Variants in CREB5 observed in about 807,000 individuals in gnomAD.
CREB5 encodes cAMP responsive element binding protein 5.
Under a neutral mutation model 57.1 loss-of-function variants are expected in CREB5, and 19 were observed. The observed-to-expected ratio is 0.33, with a 90% CI of 0.23 to 0.49. The LOEUF (loss-of-function observed/expected upper bound fraction) is 0.49. Among genes scored for constraint, CREB5 ranks in the 20% least tolerant of loss-of-function variants. The pLI, the probability that CREB5 is intolerant of heterozygous loss-of-function variation, is 0.99. For synonymous variants in CREB5, 238 were observed against 238.3 expected, an observed-to-expected ratio of 1.00 and a Z score of 0.01; for missense variants, 579 against 671.6, an observed-to-expected ratio of 0.86 and a Z score of 1.52.
At chr7:28,598,625 C>T (rs1238984164) in intron 5 of CREB5, among the ~76,000 whole-genome samples, 1 of 152,118 alleles carries the variant, frequency 6.6e-6, no homozygotes, top group Non-Finnish European at 1.5e-5. Context: ...TAATATCACT[C>T]ACCCCAACCT....
chr7:28,561,027 T>TGCGC (rs1395507333), intron 4 of CREB5, among the ~76,000 whole-genome samples: 3 of 70,470 alleles, frequency 4.3e-5, no homozygotes, highest in Non-Finnish European at 5.3e-5. Context: ...CGTGTGTGCG[T>TGCGC]GTGTGTGTGT....
At chr7:28,607,735 CTGTGTGTGTGTGTGTGTGTGTGTGTG>C (rs573980917) in intron 5 of CREB5, among the ~76,000 whole-genome samples, 45 of 129,284 alleles carry the variant, frequency 3.5e-4, no homozygotes, top group East Asian at 2.4e-3. Flanking sequence ...GCCCACAGGG[CTGTGTGTGTGTGTGTGTGTGTGTGTG>C]TGTGTGTGTG....
In CREB5 at chr7:28,820,718, C is replaced by G. The variant is rs1389062388; in HGVS notation, c.*1439C>G. 6.6e-6 allele frequency: 1 copy of G among 152,270 alleles called. No homozygotes were observed. The allele number at this position is 152,270 out of a possible 1,614,324, so 9.4% of individuals were successfully genotyped here. On this transcript the variant is annotated 3_prime_UTR_variant, in exon 11 of 11. Coordinates refer to ENST00000357727, the MANE Select transcript of CREB5 (RefSeq NM_182898.4). ...CTCCGAGTTCAAGCTATCCTTCCAC[C>G]TCCGCCTCCTGAGTAGCTGGGACCA...
chr7:28,540,121 T>C (rs1794149172), intron 4 of CREB5, among the ~76,000 whole-genome samples: 2 of 152,206 alleles, frequency 1.3e-5, no homozygotes, highest in African/African-American at 4.8e-5. Flanking sequence ...TACCAGTTTC[T>C]CAGCTTATTT....
At chr7:28,410,046 C>T (rs1332595101), upstream of CREB5, 3 of 439,078 alleles carry the variant, frequency 6.8e-6, no homozygotes, top group Admixed American at 7.2e-5. Flanking sequence ...GCGGCGAGGA[C>T]GCCGGGTCAC....
chr7:28,735,209 T>G (rs1374349606), intron 7 of CREB5, among the ~76,000 whole-genome samples: 2 of 152,216 alleles, frequency 1.3e-5, no homozygotes, highest in African/African-American at 4.8e-5. Flanking sequence ...AAGCTTAAGC[T>G]TTCTGATTTT....
At chr7:28,368,115 C>A (rs1021944147) in intron 1 of CREB5, among the ~76,000 whole-genome samples, 1 of 152,136 alleles carries the variant, frequency 6.6e-6, no homozygotes, top group Non-Finnish European at 1.5e-5. Context: ...GAACTGGAGG[C>A]CATTATCTTA....
chr7:28,710,685 C>T (rs1356499454), intron 5 of CREB5, among the ~76,000 whole-genome samples: 7 of 152,072 alleles, frequency 4.6e-5, no homozygotes, highest in Admixed American at 4.6e-4. Context: ...CTTCTAAGAG[C>T]CTACAGAACA....
At chr7:28,551,112 G>A (rs1410235137) in intron 4 of CREB5, among the ~76,000 whole-genome samples, 1 of 151,864 alleles carries the variant, frequency 6.6e-6, no homozygotes, top group Non-Finnish European at 1.5e-5. Flanking sequence ...GATTACCAGT[G>A]CCAAGCCGAT....
intron 1 of CREB5, among the ~76,000 whole-genome samples, chr7:28,423,777 T>C: frequency 6.6e-6 from 1 of 152,262 alleles, no homozygotes; most frequent in East Asian, 1.9e-4. Context: ...CAGTGCATTA[T>C]TGGGTTCCGT....
chr7:28,482,817 T>A (rs1214676589), intron 1 of CREB5, among the ~76,000 whole-genome samples: 1 of 152,238 alleles, frequency 6.6e-6, no homozygotes, highest in Non-Finnish European at 1.5e-5. Context: ...GATTTCAGTT[T>A]GTAGGTTTGA....
At chr7:28,321,816 C>A (rs1192826786) in intron 1 of CREB5, among the ~76,000 whole-genome samples, 1 of 152,188 alleles carries the variant, frequency 6.6e-6, no homozygotes, top group Admixed American at 6.5e-5. Context: ...TCAACATGAT[C>A]ACAGAGCGCC....
intron 7 of CREB5, among the ~76,000 whole-genome samples, chr7:28,797,127 G>A (rs1425210476): frequency 6.6e-6 from 1 of 152,170 alleles, no homozygotes; most frequent in Non-Finnish European, 1.5e-5. Flanking sequence ...GGCTGGCAGG[G>A]AAATTGCTAA....
At chr7:28,610,549 C>T (rs893752582) in intron 5 of CREB5, among the ~76,000 whole-genome samples, 1 of 152,162 alleles carries the variant, frequency 6.6e-6, no homozygotes, top group African/African-American at 2.4e-5. Context: ...CCAATGAAAA[C>T]ACAAGAACTG....
rs551932961 is a variant in CREB5 at position 28,678,126 on chromosome 7, G to A, written c.465-40627G>A. ...AAAGAGGCTGGGTGCAGTGGCTCAC[G>A]CCTGTAATCCCAGAACTTTGGGAGG... On this transcript the variant is annotated intron_variant, in intron 5 of 10. Transcript: ENST00000357727. 4.4e-4 allele frequency among the ~76,000 whole-genome samples: 67 copies of A among 152,172 alleles called. 1 individual carries two copies. Among genetic ancestry groups the A allele is most frequent in the Non-Finnish European group, 7.3e-4 (50 of 68,038 alleles).
At chr7:28,350,406 T>G (rs547523845) in intron 1 of CREB5, among the ~76,000 whole-genome samples, 61 of 152,236 alleles carry the variant, frequency 4.0e-4, no homozygotes, top group Non-Finnish European at 6.5e-4. Context: ...AAAGCCCTCT[T>G]TCTCCATTTT....
intron 7 of CREB5, among the ~76,000 whole-genome samples, chr7:28,758,902 A>G (rs1185131331): frequency 6.6e-6 from 1 of 152,222 alleles, no homozygotes; most frequent in East Asian, 1.9e-4. Context: ...AAGTGTATTT[A>G]AAGTGAGACG....
intron 7 of CREB5, among the ~76,000 whole-genome samples, chr7:28,770,075 A>G (rs959499191): frequency 6.6e-6 from 1 of 152,132 alleles, no homozygotes; most frequent in African/African-American, 2.4e-5. Context: ...CCCTACAACA[A>G]CTTCTTCCAA....
intron 5 of CREB5, among the ~76,000 whole-genome samples, chr7:28,701,344 C>A (rs943972126): frequency 2.0e-5 from 3 of 152,070 alleles, no homozygotes; most frequent in Admixed American, 2.0e-4. Flanking sequence ...TGGATAAAGC[C>A]AATTAACTCA....
Sources: allele counts gnomAD v4.1 joint callset (sites outside exome capture counted in the v4.1 genomes callset), GRCh38; gene constraint gnomAD v4.1.1; transcripts MANE v1.5; gene names NCBI Gene and HGNC (gene_info 2026-07-23, HGNC 2026-07-21).